Variants in ADAMTS17 observed in about 807,000 individuals in gnomAD.
ADAMTS17 encodes A disintegrin and metalloproteinase with thrombospondin motifs 17.
In ADAMTS17, 113 loss-of-function variants were observed where a neutral mutation model predicts 141.5. The ratio of observed to expected loss-of-function variants is 0.80; its 90% CI spans 0.69 to 0.93. The LOEUF (loss-of-function observed/expected upper bound fraction) is 0.93. Ranked by LOEUF, ADAMTS17 falls within the 40% of genes least tolerant of loss-of-function variation. The pLI is 0.00. For synonymous variants in ADAMTS17, 768 were observed against 630.6 expected (o/e 1.22, Z -3.27); for missense variants, 1,659 against 1,517.9 (o/e 1.09, Z -1.54).
rs1567338520 is a variant in ADAMTS17, at chr15:100,199,380, A to G, written c.1119T>C (p.Cys373=). 1.2e-6 allele frequency: 2 copies of G among 1,614,186 alleles called. No individual in the cohort carries two copies. The highest frequency in any genetic ancestry group is 1.7e-6 in the Non-Finnish European group (2 of 1,180,028). The part of the protein sequence containing the change: ...LGGVCSAKRK[C]VLAEDNGLNL... Reference sequence around the variant, plus strand: ...TGAGACCATTGTCTTCGGCAAGCACACACTTCCTCTTAGCACTGCACACAC... The same window carrying G: ...TGAGACCATTGTCTTCGGCAAGCACGCACTTCCTCTTAGCACTGCACACAC... The change falls in exon 8 of 22, where the codon TGT becomes TGC. Residue 373 remains cysteine, a synonymous_variant. Transcript: ENST00000268070.
chr15:100,057,303 A>T (rs1230056304), intron 15 of ADAMTS17, among the ~76,000 whole-genome samples: 1 of 152,150 alleles, frequency 6.6e-6, no homozygotes, highest in Non-Finnish European at 1.5e-5. Flanking sequence ...AGGCATGCTG[A>T]GGTGCCCTGT....
chr15:100,048,892 C>T lies in ADAMTS17; in HGVS notation c.2556G>A (p.Gln852=). Reference sequence around the variant, plus strand: ...AGGGGTGCAAGTTGCACCTTCGGACCTGGGGCTCTGGGCGGCTTGCTTGAG... The same window carrying T: ...AGGGGTGCAAGTTGCACCTTCGGACTTGGGGCTCTGGGCGGCTTGCTTGAG... ...DCPQASRPEP[Q]VRRCNLHPCQ... is the part of the protein sequence containing the mutation. The change falls in exon 18 of 22, where the codon CAG becomes CAA. Residue 852 remains glutamine (Q), a synonymous_variant. Coordinates refer to ENST00000268070, the MANE Select transcript of ADAMTS17 (RefSeq NM_139057.4). 1 of 1,614,180 alleles carries T rather than the reference C, an allele frequency of 6.2e-7. No homozygotes were observed. The highest frequency in any genetic ancestry group is 8.5e-7 in the Non-Finnish European group (1 of 1,180,034).
intron 14 of ADAMTS17, among the ~76,000 whole-genome samples, chr15:100,104,240 G>A (rs1398777274): frequency 6.6e-6 from 1 of 152,202 alleles, no homozygotes; most frequent in East Asian, 1.9e-4. Context: ...TCTCCTTCTG[G>A]AGGCCAACAG....
intron 15 of ADAMTS17, among the ~76,000 whole-genome samples, chr15:100,073,840 A>T (rs2034169693): frequency 6.6e-6 from 1 of 151,854 alleles, no homozygotes; most frequent in South Asian, 2.1e-4. Context: ...GGTGCAGCAC[A>T]CCAACATGGC....
intron 15 of ADAMTS17, among the ~76,000 whole-genome samples, chr15:100,079,679 G>A (rs555929965): frequency 2.0e-5 from 3 of 152,162 alleles, no homozygotes; most frequent in Admixed American, 6.5e-5. Context: ...TCATGGAAAC[G>A]GCAGTGGTTT....
In ADAMTS17 at chr15:99,973,669, C is replaced by T. The variant is rs958406964; in HGVS notation, c.*733G>A. 1.3e-5 allele frequency: 2 copies of T among 154,174 alleles called. No homozygotes were observed. Among genetic ancestry groups the T allele is most frequent in the African/African-American group, 4.8e-5 (2 of 41,452 alleles). The allele number at this position is 154,174 out of a possible 1,614,324, so 9.6% of individuals were successfully genotyped here. A position where few individuals can be genotyped will look rare whatever the true frequency, so the allele number is the denominator to read the frequency against. On this transcript the variant is annotated 3_prime_UTR_variant, in exon 22 of 22. Transcript: ENST00000268070. ...TTCTGTTTCCCTACACGGTGGACAG[C>T]AGAGCTCTGAAAATTAGATGCTTCC...
chr15:100,336,949 C>G (rs1299256086), intron 2 of ADAMTS17, among the ~76,000 whole-genome samples: 1 of 152,202 alleles, frequency 6.6e-6, no homozygotes, highest in African/African-American at 2.4e-5. Flanking sequence ...TCTCACCTCA[C>G]TGCAAGCTCC....
At chr15:100,277,621 A>T (rs1788678814) in intron 4 of ADAMTS17, among the ~76,000 whole-genome samples, 1 of 152,268 alleles carries the variant, frequency 6.6e-6, no homozygotes, top group African/African-American at 2.4e-5. Context: ...TGCTCCGGGC[A>T]GACTGCAGCA....
At chr15:100,323,084 CAAAAAA>C (rs60468549) in intron 3 of ADAMTS17, among the ~76,000 whole-genome samples, 1 of 107,486 alleles carries the variant, frequency 9.3e-6, no homozygotes. Context: ...GACTCCGTCT[CAAAAAA>C]AAAAAAAAAA....
chr15:99,996,897 C>G (rs1319182011), intron 19 of ADAMTS17, among the ~76,000 whole-genome samples: 1 of 152,134 alleles, frequency 6.6e-6, no homozygotes, highest in Admixed American at 6.6e-5. Flanking sequence ...AAAGTTAAGA[C>G]TTAAGGCTTA....
chr15:100,239,704 G>A (rs2042770210), intron 7 of ADAMTS17, among the ~76,000 whole-genome samples: 2 of 152,202 alleles, frequency 1.3e-5, no homozygotes, highest in South Asian at 4.1e-4. Context: ...TGCTACTGGA[G>A]CACAGTCCAG....
At chr15:100,179,146 T>A (rs1352235061) in intron 8 of ADAMTS17, among the ~76,000 whole-genome samples, 6 of 152,234 alleles carry the variant, frequency 3.9e-5, no homozygotes, top group African/African-American at 1.4e-4. Flanking sequence ...AGCCCTGTTG[T>A]GGAACCAAAT....
At chr15:100,270,980 G>GT (rs1361651666) in intron 4 of ADAMTS17, among the ~76,000 whole-genome samples, 24 of 151,664 alleles carry the variant, frequency 1.6e-4, no homozygotes, top group African/African-American at 5.3e-4. Flanking sequence ...ACTACCCTAC[G>GT]TAAGTGGAAT....
intron 2 of ADAMTS17, among the ~76,000 whole-genome samples, chr15:100,335,664 A>G (rs2587754): frequency 0.81 from 123,405 of 151,956 alleles, 50,707 homozygotes; most frequent in Non-Finnish European, 0.89. Flanking sequence ...AACAGCCTGC[A>G]GGGCAGGAGA....
intron 7 of ADAMTS17, among the ~76,000 whole-genome samples, chr15:100,214,981 T>C (rs897356644): frequency 3.3e-5 from 5 of 152,234 alleles, no homozygotes; most frequent in Non-Finnish European, 7.3e-5. Context: ...TATTGTCCCA[T>C]AGATCTTTTA....
At chr15:100,093,557 G>A (rs1418972088) in intron 15 of ADAMTS17, among the ~76,000 whole-genome samples, 1 of 152,020 alleles carries the variant, frequency 6.6e-6, no homozygotes, top group Admixed American at 6.6e-5. Flanking sequence ...GGCTTTCTAC[G>A]ATTTCCATGC....
intron 15 of ADAMTS17, among the ~76,000 whole-genome samples, chr15:100,055,341 G>A (rs868143344): frequency 1.4e-4 from 22 of 152,308 alleles, no homozygotes; most frequent in Middle Eastern, 3.4e-3. Flanking sequence ...GGTTACTGCT[G>A]AATTCATCAG....
chr15:100,252,712 C>T (rs905980700), intron 7 of ADAMTS17, among the ~76,000 whole-genome samples: 1 of 152,208 alleles, frequency 6.6e-6, no homozygotes, highest in African/African-American at 2.4e-5. Context: ...CTTTGTCTAG[C>T]AATTCCCTCA....
At chr15:100,180,020 T>C (rs1180089985) in intron 8 of ADAMTS17, among the ~76,000 whole-genome samples, 1 of 152,206 alleles carries the variant, frequency 6.6e-6, no homozygotes, top group Non-Finnish European at 1.5e-5. Flanking sequence ...TGCAGAAGCT[T>C]CTTAACTTGA....
Sources: gnomAD v4.1 joint callset for allele counts (sites outside exome capture counted in the v4.1 genomes callset) on GRCh38, gnomAD v4.1.1 for gene constraint, MANE v1.5 for transcripts, NCBI Gene and HGNC (gene_info 2026-07-23, HGNC 2026-07-21) for gene names.